Variants in PCSK6 observed in about 807,000 individuals in gnomAD.
The protein encoded by PCSK6 is paired basic amino acid cleaving enzyme 4.
PCSK6 carries 85 observed loss-of-function variants against 123.3 expected under a neutral mutation model. That is an observed-to-expected ratio of 0.69 (90% confidence interval 0.58 to 0.83). The LOEUF is 0.83. Ranked by LOEUF, PCSK6 falls within the 40% of genes least tolerant of loss-of-function variation. The probability of loss-of-function intolerance (pLI) is 0.00; values close to 1 mark genes in which losing one functional copy is unlikely to be tolerated. For synonymous variants in PCSK6, 508 were observed against 516.0 expected, an observed-to-expected ratio of 0.98 and a Z score of 0.21; for missense variants, 1,191 against 1,282.3, an observed-to-expected ratio of 0.93 and a Z score of 1.09.
chr15:101,375,645 G>A (rs183441114), intron 11 of PCSK6, among the ~76,000 whole-genome samples: 2 of 152,250 alleles, frequency 1.3e-5, no homozygotes, highest in Admixed American at 1.3e-4. Context: ...GATGTGTGCA[G>A]AGTGGTAACA....
intron 20 of PCSK6, among the ~76,000 whole-genome samples, chr15:101,311,399 T>G (rs990689263): frequency 1.3e-5 from 2 of 151,758 alleles, no homozygotes; most frequent in African/African-American, 4.9e-5. Context: ...AGTGCTGGGA[T>G]TACAGGCGTG....
chr15:101,405,834 C>T (rs1459343476), intron 6 of PCSK6, among the ~76,000 whole-genome samples: 2 of 152,104 alleles, frequency 1.3e-5, no homozygotes, highest in Non-Finnish European at 2.9e-5. Context: ...ACCTCGCCTC[C>T]CAGGTTCGAG....
chr15:101,482,415 C>T (rs77043958), intron 1 of PCSK6, among the ~76,000 whole-genome samples: 2,268 of 152,320 alleles, frequency 0.015, 61 homozygotes, highest in African/African-American at 0.052. Context: ...AGGGCAAGTA[C>T]AACCCGGAAG....
rs964544617 is a variant in PCSK6 at position 101,427,814 on chromosome 15, T to C, written c.823+78A>G. On this transcript the variant is annotated intron_variant, in intron 6 of 21. Transcript: ENST00000611716. ...CCAAAGCCAAAAAACAGGAGGCTGC[T>C]GAGACCAGCGGACAGGGAGCTCCCA... The C allele has an allele frequency of 2.1e-5, 25 of 1,170,956 alleles. No homozygotes were observed. In the African/African-American group the frequency reaches 3.5e-4, roughly 16 times the overall value. 72.5% of individuals were successfully genotyped at this position (1,170,956 alleles called of 1,614,324 possible).
chr15:101,318,356 T>A lies in PCSK6; in HGVS notation c.2532A>T (p.Arg844Ser), dbSNP rs775183255. 6.4e-7 allele frequency: 1 copy of A among 1,565,208 alleles called. No individual in the cohort carries two copies. Among genetic ancestry groups the A allele is most frequent in the Non-Finnish European group, 8.7e-7 (1 of 1,154,882 alleles). ...CGCAGGTGTGATGGCATTCCCCACA[T>A]CTGATCAGCTCTGAGTCAAAGTAGG... The part of the protein sequence containing the change: ...PGTYFDSELI[R>S]CGECHHTCGT... Residue 844 changes from arginine (R) to serine (S), a missense_variant, in exon 19 of 22, where the codon AGA (arginine) becomes AGT (serine). Physicochemically the swap from Arg to Ser is moderately radical, Grantham distance 110. Around this residue, in one of 3 missense-constraint regions of PCSK6, gnomAD observed 630 missense variants for 631.4 expected, o/e 1.00. Coordinates refer to ENST00000611716, the MANE Select transcript of PCSK6 (RefSeq NM_002570.5).
intron 8 of PCSK6, 116 bp from the exon 9 acceptor site, chr15:101,389,680 G>T (rs2042168804): frequency 2.7e-6 from 2 of 741,100 alleles, no homozygotes. Flanking sequence ...TGGGTCTCGG[G>T]AACAAATAAG....
At chr15:101,451,173 T>C (rs913220626) in intron 1 of PCSK6, among the ~76,000 whole-genome samples, 1 of 151,804 alleles carries the variant, frequency 6.6e-6, no homozygotes, top group Non-Finnish European at 1.5e-5. Flanking sequence ...CAGAAAAGAC[T>C]AAATGTTTTT....
At chr15:101,482,433 A>C (rs1239238346) in intron 1 of PCSK6, among the ~76,000 whole-genome samples, 1 of 152,210 alleles carries the variant, frequency 6.6e-6, no homozygotes, top group Non-Finnish European at 1.5e-5. Context: ...AAGCCCTCCC[A>C]GGGCAGGGTG....
chr15:101,428,142 G>A (rs2056322355), intron 5 of PCSK6, among the ~76,000 whole-genome samples, 162 bp from the exon 6 acceptor site: 1 of 152,168 alleles, frequency 6.6e-6, no homozygotes, highest in South Asian at 2.1e-4. Flanking sequence ...CCCCACTCTG[G>A]GAGAAGGCAC....
chr15:101,399,285 ATAATTCCACTCCGACG>A (rs1243330010), intron 6 of PCSK6, among the ~76,000 whole-genome samples: 1 of 152,170 alleles, frequency 6.6e-6, no homozygotes, highest in Non-Finnish European at 1.5e-5. Flanking sequence ...TCTCTCCTTT[ATAATTCCACTCCGACG>A]TATAACTTAT....
At chr15:101,468,532 T>C (rs1012483623) in intron 1 of PCSK6, among the ~76,000 whole-genome samples, 12 of 152,214 alleles carry the variant, frequency 7.9e-5, no homozygotes, top group African/African-American at 2.9e-4. Flanking sequence ...CACAGAAATC[T>C]GATGCTTCCA....
intron 1 of PCSK6, among the ~76,000 whole-genome samples, chr15:101,476,966 G>C (rs8034440): frequency 0.096 from 14,583 of 152,166 alleles, 768 homozygotes; most frequent in African/African-American, 0.15. Context: ...AGGGCATGTG[G>C]GGCGGGGAAG....
chr15:101,316,712 T>C (rs1438184723), intron 19 of PCSK6, among the ~76,000 whole-genome samples: 1 of 152,162 alleles, frequency 6.6e-6, no homozygotes, highest in African/African-American at 2.4e-5. Flanking sequence ...CTGGGTGGTC[T>C]GAGGTCAGCC....
chr15:101,352,578 C>T (rs568869402), intron 13 of PCSK6, among the ~76,000 whole-genome samples: 105 of 152,326 alleles, frequency 6.9e-4, no homozygotes, highest in Admixed American at 2.2e-3. Context: ...GTTTAAAACG[C>T]TATCCTTAGC....
At chr15:101,475,930 C>A (rs1246776419) in intron 1 of PCSK6, among the ~76,000 whole-genome samples, 1 of 152,154 alleles carries the variant, frequency 6.6e-6, no homozygotes, top group Non-Finnish European at 1.5e-5. Flanking sequence ...ACACACACTT[C>A]TGGGGGCAGT....
At chr15:101,424,796 T>G (rs2141098605) in intron 6 of PCSK6, among the ~76,000 whole-genome samples, 1 of 152,370 alleles carries the variant, frequency 6.6e-6, no homozygotes, top group South Asian at 2.1e-4. Context: ...ATATAGAAAG[T>G]ACACTATTAA....
intron 6 of PCSK6, among the ~76,000 whole-genome samples, chr15:101,403,000 A>T (rs1485745290): frequency 2.0e-5 from 3 of 150,948 alleles, no homozygotes; most frequent in Admixed American, 6.6e-5. Flanking sequence ...TATTCACAAT[A>T]GCAAAGACTT....
intron 9 of PCSK6, among the ~76,000 whole-genome samples, chr15:101,387,387 G>T (rs945981807): frequency 6.6e-6 from 1 of 152,204 alleles, no homozygotes; most frequent in Non-Finnish European, 1.5e-5. Flanking sequence ...ACTCGAAGAC[G>T]GCTACAGCCA....
intron 20 of PCSK6, chr15:101,308,663 T>C (rs948651602): frequency 2.6e-5 from 4 of 152,012 alleles, no homozygotes; most frequent in African/African-American, 9.7e-5. Context: ...GAGGAAAGGA[T>C]GGGGTTAGAG....
Sources: allele counts gnomAD v4.1 joint callset (sites outside exome capture counted in the v4.1 genomes callset), GRCh38; gene constraint gnomAD v4.1.1; regional missense constraint gnomAD v4.1.1; transcripts MANE v1.5; gene names NCBI Gene and HGNC (gene_info 2026-07-23, HGNC 2026-07-21).